Variants in PATJ observed in about 807,000 individuals in gnomAD.
PATJ encodes the protein inaD-like protein.
A neutral mutation model predicts 224.9 loss-of-function variants in PATJ; 190 were observed. The ratio of observed to expected loss-of-function variants is 0.84; its 90% CI spans 0.75 to 0.95. The LOEUF (loss-of-function observed/expected upper bound fraction) is 0.95. PATJ is among the 40% of genes least tolerant of loss of function. The pLI is 0.00. For missense variants in PATJ, 2,121 were observed against 2,270.3 expected (o/e 0.93, Z 1.34); for synonymous variants, 769 against 820.3 (o/e 0.94, Z 1.07).
chr1:61,813,825 C>T (rs936920335), intron 14 of PATJ, among the ~76,000 whole-genome samples: 1 of 151,930 alleles, frequency 6.6e-6, no homozygotes, highest in Admixed American at 6.6e-5. Flanking sequence ...CTAATTTTTT[C>T]TCTAAATAAT....
chr1:61,863,541 G>C (rs1232929649), intron 19 of PATJ, among the ~76,000 whole-genome samples: 1 of 152,172 alleles, frequency 6.6e-6, no homozygotes, highest in East Asian at 1.9e-4. Context: ...CATGGTCTGA[G>C]CAAATCTATA....
At chr1:61,780,392 G>T (rs187575281) in intron 7 of PATJ, among the ~76,000 whole-genome samples, 1 of 152,114 alleles carries the variant, frequency 6.6e-6, no homozygotes, top group Non-Finnish European at 1.5e-5. Context: ...TTGAACCTGG[G>T]AGGCAGAGGT....
intron 6 of PATJ, among the ~76,000 whole-genome samples, chr1:61,774,866 C>A (rs1253039889): frequency 6.6e-6 from 1 of 152,118 alleles, no homozygotes; most frequent in African/African-American, 2.4e-5. Context: ...ATTTACTGGT[C>A]CCTACTATGT....
At chr1:61,880,947 AGCCGG>A (rs1668003664) in intron 21 of PATJ, among the ~76,000 whole-genome samples, 1 of 152,186 alleles carries the variant, frequency 6.6e-6, no homozygotes, top group African/African-American at 2.4e-5. Context: ...TACAAAAATT[AGCCGG>A]GCATGGTGGC....
Position 62,048,565 on chromosome 1 carries a change from A to G in PATJ, c.4033-2401A>G, listed in dbSNP as rs867390570. 9.6e-3 allele frequency among the ~76,000 whole-genome samples: 1,431 copies of G among 149,730 alleles called. 6 individuals carry two copies. Among genetic ancestry groups the G allele is most frequent in the Middle Eastern group, 0.04 (11 of 276 alleles). On this transcript the variant is annotated intron_variant, in intron 30 of 43. Transcript: ENST00000642238. ...TGTCTCAAAAAAAAAAAAAAAAAAAAAAAAAGAAAAAGAAAGAAAAGAAAA... is the reference window on the plus strand; with the variant it reads ...TGTCTCAAAAAAAAAAAAAAAAAAAGAAAAAGAAAAAGAAAGAAAAGAAAA...
intron 31 of PATJ, among the ~76,000 whole-genome samples, chr1:62,056,036 G>A (rs760358525): frequency 1.1e-4 from 16 of 152,158 alleles, no homozygotes; most frequent in East Asian, 1.9e-4. Context: ...AGAAAAGAGC[G>A]AATTCACCTT....
chr1:61,925,777 C>T (rs1425551738), intron 26 of PATJ, among the ~76,000 whole-genome samples: 2 of 151,912 alleles, frequency 1.3e-5, no homozygotes, highest in African/African-American at 4.8e-5. Flanking sequence ...ATGAGGGAAC[C>T]AATAAGATGG....
chr1:61,855,995 C>A, intron 17 of PATJ, 35 bp from the exon 18 acceptor site: 2 of 1,506,080 alleles, frequency 1.3e-6, no homozygotes, highest in Non-Finnish European at 1.8e-6. Flanking sequence ...ATTTTCAGTG[C>A]ATGGACTCAT....
At chr1:61,934,190 C>G (rs1435870681) in intron 27 of PATJ, among the ~76,000 whole-genome samples, 2 of 152,226 alleles carry the variant, frequency 1.3e-5, no homozygotes, top group Non-Finnish European at 2.9e-5. Context: ...ACGATCTCGG[C>G]TCACCGCAAC....
intron 31 of PATJ, among the ~76,000 whole-genome samples, chr1:62,053,717 CT>C (rs1287647262): frequency 7.7e-6 from 1 of 129,642 alleles, no homozygotes; most frequent in Non-Finnish European, 1.8e-5. Flanking sequence ...GAAATTCCGT[CT>C]AAAAAAAAAA....
chr1:61,916,381 G>T (rs1673458843), intron 26 of PATJ, among the ~76,000 whole-genome samples: 1 of 151,576 alleles, frequency 6.6e-6, no homozygotes, highest in African/African-American at 2.4e-5. Flanking sequence ...TTTATTTTTG[G>T]ATTTTCTATA....
At position 62,153,370 on chromosome 1, in the gene PATJ, T is replaced by G. The variant is rs1373955700; in HGVS notation, c.5391T>G (p.Pro1797=). 8.1e-7 allele frequency: 1 copy of G among 1,231,316 alleles called. No individual in the cohort carries two copies. The highest frequency in any genetic ancestry group is 1.0e-6 in the Non-Finnish European group (1 of 987,330). The allele number at this position is 1,231,316 out of a possible 1,614,324, so 76.3% of individuals were successfully genotyped here. ...ATTGTGTTTTCAGAACACCTCCACC[T>G]AAGATTATTACTTTGGAGAAAGGCT... ...HHPEDTETPP[P]KIITLEKGSE... The change falls in exon 43 of 44, where the codon CCT becomes CCG. Residue 1797 remains proline, a synonymous_variant. Coordinates refer to ENST00000642238, the MANE Select transcript of PATJ (RefSeq NM_001350145.3).
Position 61,961,971 on chromosome 1 carries a change from G to GAA in PATJ, c.3671-28184_3671-28183dup, listed in dbSNP as rs371746015. On this transcript the variant is annotated intron_variant, in intron 27 of 43. Transcript: ENST00000642238. ...GCGACAAGAATGAAACTCCGTCTTA[G>GAA]AAAAAAAAAAAAAAGAAAGAAAAGA... Among the ~76,000 whole-genome samples, 608 of 113,498 alleles carry GAA rather than the reference G, an allele frequency of 5.4e-3. 11 individuals are homozygous for GAA. Among genetic ancestry groups the GAA allele is most frequent in the African/African-American group, 0.018 (499 of 28,462 alleles). 74.5% of individuals were successfully genotyped at this position (113,498 alleles called of 152,430 possible).
chr1:61,801,911 T>C, intron 12 of PATJ, 142 bp downstream of exon 12: 1 of 538,790 alleles, frequency 1.9e-6, no homozygotes, highest in South Asian at 5.6e-5. Context: ...AACTTTTTTT[T>C]TGAGACAGAG....
At chr1:62,042,428 T>C (rs1220410078) in intron 30 of PATJ, among the ~76,000 whole-genome samples, 1 of 152,178 alleles carries the variant, frequency 6.6e-6, no homozygotes, top group Admixed American at 6.5e-5. Flanking sequence ...GTATATCTTT[T>C]TCCCCCTTAG....
At chr1:62,042,481 T>A (rs1651698014) in intron 30 of PATJ, among the ~76,000 whole-genome samples, 1 of 152,176 alleles carries the variant, frequency 6.6e-6, no homozygotes, top group South Asian at 2.1e-4. Flanking sequence ...ATCCAGCATA[T>A]GGCTAAAAGA....
intron 39 of PATJ, among the ~76,000 whole-genome samples, chr1:62,124,518 CCT>C (rs769012454): frequency 2.0e-5 from 3 of 152,194 alleles, no homozygotes; most frequent in Non-Finnish European, 4.4e-5. Flanking sequence ...TTTAATGATA[CCT>C]CTGTTTGAAG....
At chr1:61,772,624 A>G (rs1646683519) in intron 6 of PATJ, among the ~76,000 whole-genome samples, 1 of 152,242 alleles carries the variant, frequency 6.6e-6, no homozygotes, top group African/African-American at 2.4e-5. Context: ...AAATTAATGT[A>G]TAGGCATTTT....
intron 34 of PATJ, among the ~76,000 whole-genome samples, chr1:62,108,878 A>G (rs1231607771): frequency 3.3e-5 from 5 of 152,176 alleles, no homozygotes. Flanking sequence ...ACACATACAC[A>G]TATATACCTG....
Sources: allele counts gnomAD v4.1 joint callset (sites outside exome capture counted in the v4.1 genomes callset), GRCh38; gene constraint gnomAD v4.1.1; transcripts MANE v1.5; gene names NCBI Gene and HGNC (gene_info 2026-07-23, HGNC 2026-07-21).